Variants in LCOR observed in about 807,000 individuals in gnomAD.
LCOR encodes ligand dependent nuclear receptor corepressor, also known as ligand-dependent corepressor.
Under a neutral mutation model 64.4 loss-of-function variants are expected in LCOR, and 14 were observed. That is an observed-to-expected ratio of 0.22 (90% CI 0.14 to 0.34). The LOEUF is 0.34. LCOR is among the 10% of genes least tolerant of loss of function. The pLI is 1.00. For synonymous variants in LCOR, 643 were observed against 642.5 expected, an observed-to-expected ratio of 1.00 and a Z score of -0.01; for missense variants, 1,686 against 1,765.3, an observed-to-expected ratio of 0.96 and a Z score of 0.80.
chr10:96,969,630 C>G (rs967234724), intron 7 of LCOR, among the ~76,000 whole-genome samples: 3 of 152,024 alleles, frequency 2.0e-5, no homozygotes, highest in Non-Finnish European at 4.4e-5. Flanking sequence ...CAAAACTTTT[C>G]CAGTGGAAGA....
intron 2 of LCOR, among the ~76,000 whole-genome samples, chr10:96,845,980 G>A (rs1362695684): frequency 6.6e-6 from 1 of 152,020 alleles, no homozygotes; most frequent in Non-Finnish European, 1.5e-5. Context: ...ACCAAGGCAG[G>A]CAGATTATTT....
chr10:96,930,269 G>A (rs1442913216), intron 4 of LCOR, among the ~76,000 whole-genome samples: 2 of 152,168 alleles, frequency 1.3e-5, no homozygotes, highest in African/African-American at 4.8e-5. Context: ...CAGTACCACA[G>A]TGTCTTTATT....
intron 2 of LCOR, among the ~76,000 whole-genome samples, chr10:96,877,598 A>ATTTTTTTTTTTTTT (rs57119025): frequency 6.1e-5 from 4 of 65,660 alleles, no homozygotes; most frequent in Non-Finnish European, 7.7e-5. Flanking sequence ...ATTTTTCTGA[A>ATTTTTTTTTTTTTT]TTTTTTTTTT....
At chr10:96,975,164 C>G (rs974574385) in intron 7 of LCOR, among the ~76,000 whole-genome samples, 2 of 152,050 alleles carry the variant, frequency 1.3e-5, no homozygotes, top group African/African-American at 2.4e-5. Flanking sequence ...GAGGGAGACT[C>G]TATCTCAAAA....
In LCOR at chr10:96,984,985, A is replaced by G. The variant is rs1394365252; in HGVS notation, c.4525A>G (p.Lys1509Glu). Residue 1509 changes from lysine to glutamate, a missense_variant, in exon 8 of 8, where the codon AAA becomes GAA. By Grantham distance (56) the Lys-to-Glu change is moderately conservative. Around this residue, in one of 3 missense-constraint regions of LCOR, gnomAD observed 1,293 missense variants for 1,410.4 expected, o/e 0.92. Coordinates refer to ENST00000421806, the MANE Select transcript of LCOR (RefSeq NM_001346516.2). ...CGGTGAATCCTCTTCAAGGCCTCAG[A>G]AAGCCACGAATAGGAAGCAGAGTAG... ...GAGESSSRPQKATNRKQSSGK... is the reference protein window; with the variant it reads ...GAGESSSRPQEATNRKQSSGK... 6.2e-7 allele frequency: 1 copy of G among 1,614,096 alleles called. No homozygotes were observed. The highest frequency in any genetic ancestry group is 8.5e-7 in the Non-Finnish European group (1 of 1,180,054).
chr10:96,954,806 T>A, intron 7 of LCOR: 3 of 354,884 alleles, frequency 8.5e-6, no homozygotes, highest in Middle Eastern at 9.0e-4. Context: ...GCTGAGACCA[T>A]TTTTTTTTTA....
At chr10:96,970,851 T>G (rs1847993439) in intron 7 of LCOR, among the ~76,000 whole-genome samples, 1 of 151,766 alleles carries the variant, frequency 6.6e-6, no homozygotes, top group African/African-American at 2.4e-5. Flanking sequence ...ACTCCTGAGC[T>G]CAGGCAATCC....
Position 96,917,432 on chromosome 10 carries a change from A to C in LCOR, c.-184+9685A>C, listed in dbSNP as rs114214579. Among the ~76,000 whole-genome samples, 502 of 152,376 alleles carry C rather than the reference A, an allele frequency of 3.3e-3. 3 individuals carry two copies. The highest frequency in any genetic ancestry group is 0.012 in the African/African-American group (483 of 41,592). ...CCAGAACCAGAATTCTCATATATGC[A>C]GGGAACATTAAAAGTAAAATCCCAT... On this transcript the variant is annotated intron_variant, in intron 4 of 7. Coordinates refer to ENST00000421806, the MANE Select transcript of LCOR (RefSeq NM_001346516.2).
chr10:96,859,696 C>T (rs1845857448), intron 2 of LCOR, among the ~76,000 whole-genome samples: 2 of 151,950 alleles, frequency 1.3e-5, no homozygotes, highest in Admixed American at 1.3e-4. Flanking sequence ...TAGCTGGCAC[C>T]ACAGGCGTGT....
At chr10:96,899,908 T>C (rs1387832137) in intron 2 of LCOR, among the ~76,000 whole-genome samples, 1 of 152,158 alleles carries the variant, frequency 6.6e-6, no homozygotes, top group Non-Finnish European at 1.5e-5. Flanking sequence ...AGTACCTGTT[T>C]TGTAAACAGC....
chr10:96,985,047 A>G lies in LCOR; in HGVS notation c.4587A>G (p.Pro1529=), dbSNP rs1848136628. The G allele has an allele frequency of 6.2e-7, 1 of 1,614,116 alleles. No individual in the cohort carries two copies. The highest frequency in any genetic ancestry group is 1.3e-5 in the African/African-American group (1 of 74,936). Residue 1529 remains proline (P), a synonymous_variant, in exon 8 of 8, where the codon CCA becomes CCG. Coordinates refer to ENST00000421806, the MANE Select transcript of LCOR (RefSeq NM_001346516.2). ...KTRARPSTKT[P]ESSAAQRKRK... is the part of the protein sequence containing the mutation. Reference sequence around the variant, plus strand: ...GGGCCAGACCCTCAACGAAAACCCCAGAGAGCAGTGCAGCTCAGAGAAAGC... The same window carrying G: ...GGGCCAGACCCTCAACGAAAACCCCGGAGAGCAGTGCAGCTCAGAGAAAGC...
chr10:96,901,800 C>T (rs1018400042), intron 2 of LCOR, among the ~76,000 whole-genome samples: 4 of 152,134 alleles, frequency 2.6e-5, no homozygotes, highest in Non-Finnish European at 4.4e-5. Flanking sequence ...TCAATGGTCT[C>T]GCTCTGTTGC....
intron 2 of LCOR, among the ~76,000 whole-genome samples, chr10:96,883,968 C>T (rs993495073): frequency 7.2e-5 from 11 of 152,032 alleles, no homozygotes; most frequent in Non-Finnish European, 1.5e-4. Context: ...ATAGATAGCT[C>T]ACAGATACAA....
chr10:96,984,295 G>A lies in LCOR; in HGVS notation c.3835G>A (p.Gly1279Ser), dbSNP rs145759511. The A allele has an allele frequency of 9.3e-6, 15 of 1,613,978 alleles. No individual in the cohort carries two copies. Among genetic ancestry groups the A allele is most frequent in the Admixed American group, 5.0e-5 (3 of 59,994 alleles). Reference sequence around the variant, plus strand: ...AGAAGATGGCAGTGATGTCAGCCCCGGCCCTAATTCTGAAGACAGCATAGA... The same window carrying A: ...AGAAGATGGCAGTGATGTCAGCCCCAGCCCTAATTCTGAAGACAGCATAGA... ...EPEDGSDVSPGPNSEDSIEEV... is the reference protein window; with the variant it reads ...EPEDGSDVSPSPNSEDSIEEV... The change falls in exon 8 of 8, where the codon GGC becomes AGC. Residue 1279 changes from glycine (G) to serine (S), a missense_variant. Around this residue, in one of 3 missense-constraint regions of LCOR, gnomAD observed 1,293 missense variants for 1,410.4 expected, o/e 0.92. Transcript: ENST00000421806.
At chr10:96,860,167 T>C (rs540116763) in intron 2 of LCOR, among the ~76,000 whole-genome samples, 1 of 152,334 alleles carries the variant, frequency 6.6e-6, no homozygotes, top group East Asian at 1.9e-4. Flanking sequence ...AGAAATTGAC[T>C]GACTTGGGCC....
At chr10:96,893,041 G>A (rs1445964259) in intron 2 of LCOR, among the ~76,000 whole-genome samples, 2 of 151,980 alleles carry the variant, frequency 1.3e-5, no homozygotes, top group Non-Finnish European at 2.9e-5. Flanking sequence ...ATTTTCTAGT[G>A]TACCATTTTG....
chr10:96,877,614 T>G (rs1846190753), intron 2 of LCOR, among the ~76,000 whole-genome samples: 1 of 128,498 alleles, frequency 7.8e-6, no homozygotes, highest in Non-Finnish European at 1.7e-5. Flanking sequence ...TTTTTTTTTT[T>G]TTTTTTTTTT....
At position 96,907,314 on chromosome 10, in the gene LCOR, T is replaced by C; in HGVS notation, c.-280T>C. The C allele has an allele frequency of 1.0e-6, 1 of 979,420 alleles. No individual in the cohort carries two copies. Among genetic ancestry groups the C allele is most frequent in the Non-Finnish European group, 1.2e-6 (1 of 824,118 alleles). 60.7% of individuals were successfully genotyped at this position (979,420 alleles called of 1,614,324 possible). ...TGTTTGGACCTGCATTATTAAAAGA[T>C]CTCAGTTTATTTAAAGGTATTCAAA... On this transcript the variant is annotated 5_prime_UTR_variant, in exon 3 of 8. Coordinates refer to ENST00000421806, the MANE Select transcript of LCOR (RefSeq NM_001346516.2).
chr10:96,847,406 TTTTA>T lies in LCOR; in HGVS notation c.-330+13952_-330+13955del, dbSNP rs137983276. On this transcript the variant is annotated intron_variant, in intron 2 of 7. Coordinates refer to ENST00000421806, the MANE Select transcript of LCOR (RefSeq NM_001346516.2). Reference sequence around the variant, plus strand: ...TGAATGAGTTATTTGGTCAAGAGTATTTTATTTATTTATTTATTTATTTATTTAC... The same window carrying T: ...TGAATGAGTTATTTGGTCAAGAGTATTTTATTTATTTATTTATTTATTTAC... Among the ~76,000 whole-genome samples, 221 of 150,936 alleles carry T rather than the reference TTTTA, an allele frequency of 1.5e-3. 2 individuals are homozygous for T. The highest frequency in any genetic ancestry group is 4.9e-3 in the East Asian group (25 of 5,112).
Sources: allele counts gnomAD v4.1 joint callset (sites outside exome capture counted in the v4.1 genomes callset), GRCh38; gene constraint gnomAD v4.1.1; regional missense constraint gnomAD v4.1.1; transcripts MANE v1.5; gene names NCBI Gene and HGNC (gene_info 2026-07-23, HGNC 2026-07-21).